MAF: variants seen among roughly 807,000 people sequenced by gnomAD.
MAF encodes MAF bZIP transcription factor.
MAF carries 10 observed loss-of-function variants against 22.0 expected under a neutral mutation model. The ratio of observed to expected loss-of-function variants is 0.45; its 90% confidence interval spans 0.28 to 0.77. The LOEUF is 0.77. Among genes scored for constraint, MAF ranks in the 30% least tolerant of loss-of-function variants. The probability of loss-of-function intolerance (pLI) is 0.12; values close to 1 mark genes in which losing one functional copy is unlikely to be tolerated. For synonymous variants in MAF, 337 were observed against 255.8 expected (o/e 1.32, Z -3.03); for missense variants, 544 against 548.4 (o/e 0.99, Z 0.08).
chr16:79,514,057 C>G, the MAF span, among the ~76,000 whole-genome samples: 2 of 152,224 alleles, frequency 1.3e-5, no homozygotes, highest in Non-Finnish European at 2.9e-5. Context: ...CCCTCCTTCC[C>G]CTACATTTTA....
In MAF at chr16:79,594,436, T is replaced by A. The variant is rs1243623246; in HGVS notation, c.*24A>T. The A allele has an allele frequency of 1.1e-5, 17 of 1,546,518 alleles. No homozygotes were observed. The highest frequency in any genetic ancestry group is 2.7e-5 in the African/African-American group (2 of 72,940). ...TAATAATAATAATGATGATTTTTTT[T>A]AATGTACAGCTCTCACACAAATTTC... On this transcript the variant is annotated 3_prime_UTR_variant, in exon 2 of 2. Coordinates refer to ENST00000326043, the MANE Select transcript of MAF (RefSeq NM_005360.5).
chr16:79,571,924 C>G, the MAF span, among the ~76,000 whole-genome samples: 1 of 152,158 alleles, frequency 6.6e-6, no homozygotes, highest in African/African-American at 2.4e-5. Context: ...TGCAAAATCT[C>G]CCCCTTTCTT....
chr16:79,244,573 C>A, the MAF span, among the ~76,000 whole-genome samples: 1 of 152,004 alleles, frequency 6.6e-6, no homozygotes, highest in Non-Finnish European at 1.5e-5. Flanking sequence ...AGAGAGGACA[C>A]AAACAAATGG....
chr16:79,457,779 G>A, the MAF span, among the ~76,000 whole-genome samples: 1 of 152,034 alleles, frequency 6.6e-6, no homozygotes, highest in Non-Finnish European at 1.5e-5. Flanking sequence ...GAGTGATCAA[G>A]GCACCCCAAG....
chr16:79,560,886 G>C, the MAF span, among the ~76,000 whole-genome samples: 438 of 152,278 alleles, frequency 2.9e-3, 6 homozygotes, highest in Non-Finnish European at 3.8e-3. Context: ...CACAGAGCAG[G>C]ACTACCTAAC....
At chr16:79,260,739 C>T in the MAF span, among the ~76,000 whole-genome samples, 1 of 151,972 alleles carries the variant, frequency 6.6e-6, no homozygotes, top group African/African-American at 2.4e-5. Context: ...TCTTCATTTT[C>T]ACAGAGATTT....
chr16:79,218,649 A>G, the MAF span, among the ~76,000 whole-genome samples: 35 of 152,330 alleles, frequency 2.3e-4, no homozygotes, highest in African/African-American at 7.7e-4. Flanking sequence ...AACTATTTAT[A>G]TATGGTATTC....
chr16:79,293,643 A>G, the MAF span, among the ~76,000 whole-genome samples: 6 of 152,144 alleles, frequency 3.9e-5, no homozygotes, highest in Middle Eastern at 3.4e-3. Context: ...CTATTCCAGA[A>G]CTCAGATGAC....
At chr16:79,440,499 A>C in the MAF span, among the ~76,000 whole-genome samples, 1 of 152,158 alleles carries the variant, frequency 6.6e-6, no homozygotes, top group East Asian at 1.9e-4. Context: ...GCAGTGGTGC[A>C]ATCTTGGCTC....
chr16:79,338,210 C>A, the MAF span, among the ~76,000 whole-genome samples: 1 of 152,156 alleles, frequency 6.6e-6, no homozygotes, highest in Admixed American at 6.5e-5. Flanking sequence ...ACAGGGGAAC[C>A]CATGATACGT....
At chr16:79,422,795 C>T in the MAF span, among the ~76,000 whole-genome samples, 38 of 152,126 alleles carry the variant, frequency 2.5e-4, no homozygotes, top group Non-Finnish European at 3.7e-4. Flanking sequence ...GCAGTTTTTG[C>T]TATTAAAAAT....
the MAF span, among the ~76,000 whole-genome samples, chr16:79,384,300 C>T: frequency 6.6e-6 from 1 of 151,980 alleles, no homozygotes; most frequent in Non-Finnish European, 1.5e-5. Context: ...AACAAATTAG[C>T]TAGGTGTGGT....
At chr16:79,492,769 CA>C in the MAF span, among the ~76,000 whole-genome samples, 2 of 152,098 alleles carry the variant, frequency 1.3e-5, no homozygotes, top group African/African-American at 4.8e-5. Flanking sequence ...AGGCCAGACC[CA>C]AAAGGGAACA....
the MAF span, among the ~76,000 whole-genome samples, chr16:79,511,412 G>C: frequency 1.3e-5 from 2 of 152,148 alleles, no homozygotes; most frequent in African/African-American, 4.8e-5. Flanking sequence ...AATTTGAATA[G>C]AAATACTAAC....
At chr16:79,532,879 C>T in the MAF span, among the ~76,000 whole-genome samples, 3 of 152,202 alleles carry the variant, frequency 2.0e-5, no homozygotes, top group Non-Finnish European at 2.9e-5. Context: ...TCAGTGCCAG[C>T]TTTGCACAGT....
At chr16:79,426,090 C>A in the MAF span, among the ~76,000 whole-genome samples, 1,369 of 152,204 alleles carry the variant, frequency 9.0e-3, 21 homozygotes, top group African/African-American at 0.031. Flanking sequence ...CCTGTAGTCC[C>A]AGCTACTCAG....
the MAF span, among the ~76,000 whole-genome samples, chr16:79,388,675 G>T: frequency 6.6e-6 from 1 of 152,146 alleles, no homozygotes; most frequent in Non-Finnish European, 1.5e-5. Flanking sequence ...AAAAATGACT[G>T]ACATTTGCTG....
the MAF span, among the ~76,000 whole-genome samples, chr16:79,521,698 T>A: frequency 6.6e-6 from 1 of 152,206 alleles, no homozygotes; most frequent in Non-Finnish European, 1.5e-5. Flanking sequence ...CTTGCTTTTG[T>A]CTCCGAGACT....
the MAF span, among the ~76,000 whole-genome samples, chr16:79,502,189 G>C: frequency 6.6e-6 from 1 of 152,292 alleles, no homozygotes; most frequent in East Asian, 1.9e-4. Flanking sequence ...GGTGGAAGGA[G>C]CATGGCTCCT....
Sources: gnomAD v4.1 joint callset for allele counts (sites outside exome capture counted in the v4.1 genomes callset) on GRCh38, gnomAD v4.1.1 for gene constraint, MANE v1.5 for transcripts, NCBI Gene and HGNC (gene_info 2026-07-23, HGNC 2026-07-21) for gene names.